The following DSG2 variants were observed in gnomAD, a reference collection of about 807,000 sequenced individuals.
DSG2 encodes desmoglein-2.
In DSG2, 45 loss-of-function variants were observed where a neutral mutation model predicts 75.6. That is an observed-to-expected ratio of 0.60 (90% CI 0.47 to 0.76). The LOEUF (loss-of-function observed/expected upper bound fraction) is 0.76, where lower values mean the gene tolerates loss of function less well. Among genes scored for constraint, DSG2 ranks in the 30% least tolerant of loss-of-function variants. The pLI is 0.00. For synonymous variants in DSG2, 429 were observed against 483.9 expected (o/e 0.89, Z 1.49); for missense variants, 1,267 against 1,357.4 (o/e 0.93, Z 1.05).
intron 8 of DSG2, among the ~76,000 whole-genome samples, chr18:31,528,339 T>G (rs2073174708): frequency 6.6e-6 from 1 of 152,200 alleles, no homozygotes; most frequent in Non-Finnish European, 1.5e-5. Flanking sequence ...ATGTGGTGTA[T>G]TCATATGATG....
In DSG2 at chr18:31,526,153, A is replaced by G. The variant is rs528060507; in HGVS notation, c.1014+1265A>G. On this transcript the variant is annotated intron_variant, in intron 8 of 14. Transcript: ENST00000261590. ...AGTGAGATTCCGTCTCAAGAAATAT[A>G]GGTAAGGAATAATATCAGTGTATTT... Among the ~76,000 whole-genome samples the G allele has an allele frequency of 2.6e-5, 4 of 152,350 alleles. No homozygotes were observed. In the South Asian group the frequency reaches 8.3e-4, roughly 32 times the overall value.
At chr18:31,539,394 T>C (rs1791173) in intron 12 of DSG2, among the ~76,000 whole-genome samples, 69,905 of 151,944 alleles carry the variant, frequency 0.46, 17,089 homozygotes, top group East Asian at 0.67. Flanking sequence ...ACAAACCCAG[T>C]TTATTCCAAT....
At chr18:31,511,836 A>T (rs1001104508) in intron 1 of DSG2, among the ~76,000 whole-genome samples, 5 of 152,118 alleles carry the variant, frequency 3.3e-5, no homozygotes, top group African/African-American at 9.7e-5. Context: ...GAAGAAACAG[A>T]TTGCCAGCAT....
chr18:31,504,880 CCA>C (rs1361344717), intron 1 of DSG2, among the ~76,000 whole-genome samples: 2 of 152,190 alleles, frequency 1.3e-5, no homozygotes, highest in Non-Finnish European at 2.9e-5. Flanking sequence ...CCTATTATCC[CCA>C]CACAGGGCAT....
Position 31,545,967 on chromosome 18 carries a change from A to G in DSG2, c.2581A>G (p.Thr861Ala), listed in dbSNP as rs1598826621. 1.2e-6 allele frequency: 2 copies of G among 1,614,234 alleles called. No individual in the cohort carries two copies. Among genetic ancestry groups the G allele is most frequent in the East Asian group, 2.2e-5 (1 of 44,890 alleles). The change falls in exon 15 of 15, where the codon ACA (threonine) becomes GCA (alanine). Residue 861 changes from threonine to alanine, a missense_variant. By Grantham distance (58) the Thr-to-Ala change is moderately conservative (BLOSUM62 0). Coordinates refer to ENST00000261590, the MANE Select transcript of DSG2 (RefSeq NM_001943.5). ...IEQRQKPATE[T>A]SMNTASHSLC... ...GCAGAGACAAAAACCTGCCACAGAA[A>G]CAAGTATGAACACAGCTTCACATTC...
rs1428322292 is a variant in DSG2, at chr18:31,501,391, A to T, written c.45+3095A>T. Reference sequence around the variant, plus strand: ...CACACTGTGAGCAGATATATTTAGTAGGGTATTAGTTTGCTAGGACTGCTG... The same window carrying T: ...CACACTGTGAGCAGATATATTTAGTTGGGTATTAGTTTGCTAGGACTGCTG... On this transcript the variant is annotated intron_variant, in intron 1 of 14. Coordinates refer to ENST00000261590, the MANE Select transcript of DSG2 (RefSeq NM_001943.5). 3.3e-5 allele frequency among the ~76,000 whole-genome samples: 5 copies of T among 152,230 alleles called. No homozygotes were observed. In the East Asian group the frequency reaches 7.7e-4, roughly 23 times the overall value.
chr18:31,519,202 T>A (rs1335972363), intron 2 of DSG2, among the ~76,000 whole-genome samples: 1 of 152,224 alleles, frequency 6.6e-6, no homozygotes, highest in East Asian at 1.9e-4. Context: ...GTAAGGCTAC[T>A]AAATGATTCT....
Position 31,547,745 on chromosome 18 carries a change from C to G in DSG2, c.*1002C>G, listed in dbSNP as rs1177923267. The G allele has an allele frequency of 2.0e-5, 3 of 151,644 alleles. No individual in the cohort carries two copies. In the East Asian group the frequency reaches 5.8e-4, roughly 29 times the overall value. The allele number at this position is 151,644 out of a possible 1,614,324, so 9.4% of individuals were successfully genotyped here. On this transcript the variant is annotated 3_prime_UTR_variant, in exon 15 of 15. Transcript: ENST00000261590. ...CCTTGTCTCAACCGCCATGAAAATT[C>G]TGAACACTCCAAATTCAGTTGAATA...
intron 8 of DSG2, among the ~76,000 whole-genome samples, chr18:31,526,359 A>C (rs2073163005): frequency 6.6e-6 from 1 of 152,224 alleles, no homozygotes; most frequent in African/African-American, 2.4e-5. Flanking sequence ...AAGAGGAATA[A>C]TGGTGATATA....
intron 9 of DSG2, 30 bp from the exon 10 acceptor site, chr18:31,535,240 A>G (rs201354727): frequency 6.7e-7 from 1 of 1,481,504 alleles, no homozygotes; most frequent in Admixed American, 1.7e-5. Flanking sequence ...TGCAGAATTC[A>G]AAATTAATTT....
chr18:31,514,244 G>T (rs1488781111), intron 1 of DSG2, among the ~76,000 whole-genome samples: 1 of 152,158 alleles, frequency 6.6e-6, no homozygotes, highest in Non-Finnish European at 1.5e-5. Flanking sequence ...ATTGGAGAAA[G>T]GAACTGCTGG....
At chr18:31,539,580 G>A (rs959603950) in intron 12 of DSG2, among the ~76,000 whole-genome samples, 24 of 152,094 alleles carry the variant, frequency 1.6e-4, no homozygotes, top group Non-Finnish European at 3.5e-4. Flanking sequence ...CAAAGACCTC[G>A]GGTTTCCTTT....
At chr18:31,536,556 A>G in intron 11 of DSG2, 127 bp downstream of exon 11, 1 of 998,584 alleles carries the variant, frequency 1.0e-6, no homozygotes, top group Non-Finnish European at 1.5e-6. Context: ...TTATGAAATG[A>G]GGTCCTGAAC....
intron 8 of DSG2, among the ~76,000 whole-genome samples, chr18:31,530,522 A>G (rs1018429347): frequency 1.3e-5 from 2 of 152,042 alleles, no homozygotes; most frequent in South Asian, 2.1e-4. Context: ...GGCTCAAGCA[A>G]TCCTCCCACC....
intron 2 of DSG2, 142 bp downstream of exon 2, chr18:31,518,416 T>C: frequency 1.4e-6 from 1 of 737,758 alleles, no homozygotes. Context: ...GCAGAGGAGC[T>C]TATCCAGGGG....
chr18:31,499,327 C>T (rs1203841816), intron 1 of DSG2, among the ~76,000 whole-genome samples: 1 of 151,300 alleles, frequency 6.6e-6, no homozygotes, highest in African/African-American at 2.4e-5. Flanking sequence ...CCCTTCTATC[C>T]TCGAGTTTTG....
chr18:31,521,270 TA>T, intron 5 of DSG2, 27 bp downstream of exon 5: 1 of 1,538,286 alleles, frequency 6.5e-7, no homozygotes, highest in Non-Finnish European at 8.9e-7. Flanking sequence ...TTTTTTTTAA[TA>T]AATAAATACC....
In DSG2 at chr18:31,531,135, T is replaced by G. The variant is rs369214871; in HGVS notation, c.1163T>G (p.Phe388Cys). ...AAAAATGTGAAAGAAGGCATTCATT[T>G]TAAAAGCAGCGTCATCTCAATTTAT... is the stretch of plus-strand genomic sequence containing the variant. ...KVKNVKEGIH[F>C]KSSVISIYVS... The change falls in exon 9 of 15, where the codon TTT (phenylalanine) becomes TGT (cysteine). Residue 388 changes from phenylalanine (F) to cysteine (C), a missense_variant. Phe to Cys is a radical substitution (Grantham distance 205). Transcript: ENST00000261590. The G allele has an allele frequency of 1.9e-6, 3 of 1,614,068 alleles. No homozygotes were observed. The highest frequency in any genetic ancestry group is 1.3e-5 in the African/African-American group (1 of 74,946).
At chr18:31,540,707 G>A (rs1322731528) in intron 12 of DSG2, among the ~76,000 whole-genome samples, 1 of 152,194 alleles carries the variant, frequency 6.6e-6, no homozygotes, top group Non-Finnish European at 1.5e-5. Flanking sequence ...CATTGATCAA[G>A]GGGTCAGCCT....
Sources: allele counts gnomAD v4.1 joint callset (sites outside exome capture counted in the v4.1 genomes callset), GRCh38; gene constraint gnomAD v4.1.1; transcripts MANE v1.5; gene names NCBI Gene and HGNC (gene_info 2026-07-23, HGNC 2026-07-21).